Variants in TET3 observed in about 807,000 individuals in gnomAD.
TET3 encodes the protein tet methylcytosine dioxygenase 3.
TET3 carries 19 observed loss-of-function variants against 141.4 expected under a neutral mutation model. That is an observed-to-expected ratio of 0.13 (90% confidence interval 0.09 to 0.20). TET3 has a LOEUF of 0.20. Ranked by LOEUF, TET3 falls within the 10% of genes least tolerant of loss-of-function variation. TET3 has a pLI of 1.00. For synonymous variants in TET3, 1,043 were observed against 980.9 expected (o/e 1.06, Z -1.18); for missense variants, 1,874 against 2,356.9 (o/e 0.80, Z 4.24).
the TET3 span, among the ~76,000 whole-genome samples, chr2:74,113,294 G>A: frequency 1.3e-5 from 2 of 152,082 alleles, no homozygotes; most frequent in Non-Finnish European, 2.9e-5. Flanking sequence ...GCTGAGGCAG[G>A]AGAATCACTT....
chr2:74,092,166 C>T (rs1478433519), intron 8 of TET3, among the ~76,000 whole-genome samples: 1 of 152,086 alleles, frequency 6.6e-6, no homozygotes, highest in Non-Finnish European at 1.5e-5. Flanking sequence ...AATTAGCCGG[C>T]TGTGGGCACC....
chr2:74,045,707 C>A (rs1442672653), intron 3 of TET3, among the ~76,000 whole-genome samples: 2 of 152,170 alleles, frequency 1.3e-5, no homozygotes, highest in African/African-American at 4.8e-5. Flanking sequence ...GCTTTCTGTG[C>A]TCAGCCTGGG....
chr2:74,029,568 A>G (rs1263116870), intron 3 of TET3, among the ~76,000 whole-genome samples: 1 of 152,244 alleles, frequency 6.6e-6, no homozygotes. Context: ...ATACTCAGTC[A>G]TCCCAGTTTT....
rs1434662884 is a variant in TET3 at position 74,100,440 on chromosome 2, C to G, written c.3652C>G (p.Leu1218Val). The G allele has an allele frequency of 1.9e-6, 3 of 1,578,402 alleles. No homozygotes were observed. Among genetic ancestry groups the G allele is most frequent in the Non-Finnish European group, 2.6e-6 (3 of 1,162,434 alleles). The part of the protein sequence containing the change: ...GLSQQGLKPS[L>V]KVEPQNHFSS... ...GTCCCAGCAAGGCCTGAAGCCCTCC[C>G]TCAAGGTGGAGCCGCAGAACCACTT... is the stretch of plus-strand genomic sequence containing the variant. Residue 1218 changes from leucine to valine, a missense_variant, in exon 12 of 12, where the codon CTC (leucine) becomes GTC (valine). Around this residue, in one of 10 missense-constraint regions of TET3, gnomAD observed 602 missense variants for 590.2 expected, o/e 1.02. Coordinates refer to ENST00000409262, the MANE Select transcript of TET3 (RefSeq NM_001287491.2).
At chr2:74,061,345 A>G (rs1442684710) in intron 4 of TET3, among the ~76,000 whole-genome samples, 5 of 125,312 alleles carry the variant, frequency 4.0e-5, no homozygotes, top group African/African-American at 6.4e-5. Flanking sequence ...CACCTCCCGG[A>G]CGGGGCGGCT....
chr2:74,071,096 C>G (rs1377136290), intron 4 of TET3, among the ~76,000 whole-genome samples: 1 of 152,150 alleles, frequency 6.6e-6, no homozygotes, highest in Non-Finnish European at 1.5e-5. Context: ...AGGGCCCTCT[C>G]TTAGCTTGTA....
chr2:74,077,282 G>A (rs1028118833), intron 5 of TET3, among the ~76,000 whole-genome samples: 4 of 152,178 alleles, frequency 2.6e-5, no homozygotes, highest in African/African-American at 9.6e-5. Flanking sequence ...AGATGACTGG[G>A]CCCCACCTGA....
chr2:74,095,013 G>A (rs1690728597), intron 10 of TET3, among the ~76,000 whole-genome samples: 2 of 152,158 alleles, frequency 1.3e-5, no homozygotes, highest in Admixed American at 6.5e-5. Flanking sequence ...AAGAGAGGGA[G>A]TTTGGACTTG....
intron 3 of TET3, among the ~76,000 whole-genome samples, chr2:74,030,342 T>C (rs1281880608): frequency 6.6e-6 from 1 of 152,246 alleles, no homozygotes; most frequent in Admixed American, 6.5e-5. Context: ...TCTGCTATTC[T>C]TCCTATTTCA....
At chr2:74,048,564 G>A (rs1235233300) in intron 4 of TET3, among the ~76,000 whole-genome samples, 153 bp downstream of exon 4, 1 of 152,216 alleles carries the variant, frequency 6.6e-6, no homozygotes, top group African/African-American at 2.4e-5. Flanking sequence ...ATAGCCTAGT[G>A]GAAAAGACAT....
At chr2:74,122,677 C>CTTTT in the TET3 span, among the ~76,000 whole-genome samples, 1 of 42,386 alleles carries the variant, frequency 2.4e-5, no homozygotes, top group Non-Finnish European at 3.7e-5. Flanking sequence ...CTACACCTAG[C>CTTTT]TTTTTTTTTT....
chr2:74,109,682 G>C (rs151333884), downstream of TET3, among the ~76,000 whole-genome samples: 179 of 152,174 alleles, frequency 1.2e-3, 1 homozygote, highest in African/African-American at 4.0e-3. Flanking sequence ...AAACCTTCTT[G>C]TAACAGGTCC....
At position 74,103,891 on chromosome 2, in the gene TET3, T is replaced by A. The variant is rs1691364969; in HGVS notation, c.*1715T>A. 1 of 153,628 alleles carries A rather than the reference T, an allele frequency of 6.5e-6. No individual in the cohort carries two copies. The highest frequency in any genetic ancestry group is 2.4e-5 in the African/African-American group (1 of 41,328). 9.5% of individuals were successfully genotyped at this position (153,628 alleles called of 1,614,324 possible). On this transcript the variant is annotated 3_prime_UTR_variant, in exon 12 of 12. Transcript: ENST00000409262. ...AGATGAACAGGTATTTACTGAGCAG[T>A]TGTATTCAGATATGGGTCTTCATGA...
At chr2:74,041,093 C>T (rs1015369556) in intron 3 of TET3, among the ~76,000 whole-genome samples, 2 of 152,112 alleles carry the variant, frequency 1.3e-5, no homozygotes, top group African/African-American at 4.8e-5. Flanking sequence ...TTTTCTTTTC[C>T]GCATCTCCAT....
intron 3 of TET3, among the ~76,000 whole-genome samples, chr2:74,018,932 T>C (rs1685880920): frequency 6.6e-6 from 1 of 152,196 alleles, no homozygotes; most frequent in South Asian, 2.1e-4. Context: ...CCGTTTATTC[T>C]AGTCTTTTTT....
chr2:74,062,441 ACT>A (rs1558760161), intron 4 of TET3, among the ~76,000 whole-genome samples: 1 of 152,156 alleles, frequency 6.6e-6, no homozygotes, highest in African/African-American at 2.4e-5. Flanking sequence ...ATTTACTTAA[ACT>A]CTACTTAAGA....
intron 5 of TET3, among the ~76,000 whole-genome samples, chr2:74,074,653 T>G (rs751942967): frequency 7.2e-5 from 11 of 152,258 alleles, no homozygotes; most frequent in Non-Finnish European, 1.3e-4. Context: ...GTTCTGCTCT[T>G]CTGTGACTCA....
In TET3 at chr2:74,100,660, C is replaced by A; in HGVS notation, c.3872C>A (p.Ser1291Tyr). The A allele has an allele frequency of 6.2e-7, 1 of 1,614,070 alleles. No homozygotes were observed. The highest frequency in any genetic ancestry group is 1.1e-5 in the South Asian group (1 of 91,088). Residue 1291 changes from serine (S) to tyrosine (Y), a missense_variant, in exon 12 of 12, where the codon TCC becomes TAC. Ser to Tyr is a moderately radical substitution (Grantham distance 144, BLOSUM62 -2). Around this residue, in one of 10 missense-constraint regions of TET3, gnomAD observed 602 missense variants for 590.2 expected, o/e 1.02. Coordinates refer to ENST00000409262, the MANE Select transcript of TET3 (RefSeq NM_001287491.2). ...LPSFSYYGFP[S>Y]SNPVFPSQFL... ...TCTTTTAGCTACTATGGCTTTCCAT[C>A]CAGCAACCCCGTCTTCCCCTCTCAG...
In TET3 at chr2:74,093,710, G is replaced by A; in HGVS notation, c.3267+44G>A. 1 of 1,518,012 alleles carries A rather than the reference G, an allele frequency of 6.6e-7. No individual in the cohort carries two copies. The highest frequency in any genetic ancestry group is 8.9e-7 in the Non-Finnish European group (1 of 1,124,406). The allele number at this position is 1,518,012 out of a possible 1,614,324, so 94.0% of individuals were successfully genotyped here. A position where few individuals can be genotyped will look rare whatever the true frequency, so the allele number is the denominator to read the frequency against. On this transcript the variant is annotated intron_variant, in intron 10 of 11. Transcript: ENST00000409262. This position sits in a 1 kb window ranked among gnomAD's most constrained non-coding sequence, Gnocchi z 4.2. The stretch of plus-strand genomic sequence containing the variant: ...ATAGCCCCACCTGTGGGGCAACTGT[G>A]GGAGGGAGTCCACCGTGGTCTTTTC...
Sources: allele counts gnomAD v4.1 joint callset (sites outside exome capture counted in the v4.1 genomes callset), GRCh38; gene constraint gnomAD v4.1.1; regional missense constraint gnomAD v4.1.1; non-coding constraint Gnocchi (gnomAD v3.1); transcripts MANE v1.5; gene names NCBI Gene and HGNC (gene_info 2026-07-23, HGNC 2026-07-21).